The following IMPG2 variants were observed in gnomAD, a reference collection of about 807,000 sequenced individuals.
IMPG2 encodes the protein IPM 200.
In IMPG2, 91 loss-of-function variants were observed where a neutral mutation model predicts 129.2. The observed-to-expected ratio is 0.70, with a 90% confidence interval of 0.59 to 0.84. The LOEUF (loss-of-function observed/expected upper bound fraction) is 0.84. Among genes scored for constraint, IMPG2 ranks in the 40% least tolerant of loss-of-function variants. The pLI, the probability that IMPG2 is intolerant of heterozygous loss-of-function variation, is 0.00. For missense variants in IMPG2, 1,430 were observed against 1,461.7 expected (o/e 0.98, Z 0.35); for synonymous variants, 510 against 517.7 (o/e 0.99, Z 0.20).
At chr3:101,262,094 A>C (rs1706677368) in intron 9 of IMPG2, among the ~76,000 whole-genome samples, 1 of 152,128 alleles carries the variant, frequency 6.6e-6, no homozygotes. Flanking sequence ...ATTTTTAAAA[A>C]ATTAAAAATA....
At chr3:101,271,842 G>A (rs1446274434) in intron 7 of IMPG2, among the ~76,000 whole-genome samples, 1 of 152,174 alleles carries the variant, frequency 6.6e-6, no homozygotes, top group Non-Finnish European at 1.5e-5. Context: ...TAGAGAGACT[G>A]AATGACAATG....
Position 101,257,475 on chromosome 3 carries a change from G to A in IMPG2, c.1153+54C>T, listed in dbSNP as rs916201305. Reference sequence around the variant, plus strand: ...TATTTCAGGAAATTAGTTTACACCAGAGCATACTGGAAAAGAAACTATACA... The same window carrying A: ...TATTTCAGGAAATTAGTTTACACCAAAGCATACTGGAAAAGAAACTATACA... On this transcript the variant is annotated intron_variant, in intron 10 of 18. Transcript: ENST00000193391. 8 of 1,601,248 alleles carry A rather than the reference G, an allele frequency of 5.0e-6. No homozygotes were observed. In the South Asian group the frequency reaches 5.5e-5, roughly 11 times the overall value.
At chr3:101,262,781 A>C (rs1206984242) in intron 9 of IMPG2, among the ~76,000 whole-genome samples, 2 of 151,682 alleles carry the variant, frequency 1.3e-5, no homozygotes, top group Non-Finnish European at 1.5e-5. Context: ...AAAAAAAAAA[A>C]AACAAACTAT....
At chr3:101,232,004 G>A (rs1385970202) in intron 15 of IMPG2, among the ~76,000 whole-genome samples, 3 of 152,076 alleles carry the variant, frequency 2.0e-5, no homozygotes, top group Non-Finnish European at 2.9e-5. Flanking sequence ...TTAAATGTTT[G>A]TCTTTATTTT....
Position 101,272,525 on chromosome 3 carries a change from A to G in IMPG2, c.828+1056T>C, listed in dbSNP as rs1044737003. 5.3e-5 allele frequency among the ~76,000 whole-genome samples: 8 copies of G among 152,304 alleles called. 1 individual carries two copies. The East Asian group carries it at 1.3e-3, about 26-fold the overall frequency. ...TCTAAATCTGCAGTCATTCCATGCAATTGTTTACCTAAACACTAAGCTATA... is the reference window on the plus strand; with the variant it reads ...TCTAAATCTGCAGTCATTCCATGCAGTTGTTTACCTAAACACTAAGCTATA... On this transcript the variant is annotated intron_variant, in intron 7 of 18. Coordinates refer to ENST00000193391, the MANE Select transcript of IMPG2 (RefSeq NM_016247.4).
In IMPG2 at chr3:101,226,880, T is replaced by C; in HGVS notation, c.*89A>G. On this transcript the variant is annotated 3_prime_UTR_variant, in exon 19 of 19. Coordinates refer to ENST00000193391, the MANE Select transcript of IMPG2 (RefSeq NM_016247.4). ...ATAGAAAACTCTTCTTCCAACAGTG[T>C]TTAAAATCCAGGTTAATTATATGAC... 1 of 1,386,104 alleles carries C rather than the reference T, an allele frequency of 7.2e-7. No homozygotes were observed. Among genetic ancestry groups the C allele is most frequent in the Non-Finnish European group, 1.0e-6 (1 of 979,180 alleles). 85.9% of individuals were successfully genotyped at this position (1,386,104 alleles called of 1,614,324 possible). A position where few individuals can be genotyped will look rare whatever the true frequency, so the allele number is the denominator to read the frequency against.
intron 2 of IMPG2, among the ~76,000 whole-genome samples, chr3:101,307,545 G>A (rs1707217907): frequency 6.6e-6 from 1 of 152,136 alleles, no homozygotes; most frequent in Non-Finnish European, 1.5e-5. Context: ...GTGAAGTGGG[G>A]GAAAGCCCCT....
chr3:101,256,149 G>GAAAGAAAT (rs1559646317), intron 10 of IMPG2, among the ~76,000 whole-genome samples: 2 of 34,614 alleles, frequency 5.8e-5, no homozygotes, highest in African/African-American at 2.3e-4. Flanking sequence ...AGAAAGAAAA[G>GAAAGAAAT]AAAGAAAGAA....
chr3:101,269,926 C>CTTTTTTT (rs5851267), intron 7 of IMPG2, among the ~76,000 whole-genome samples: 3 of 106,978 alleles, frequency 2.8e-5, no homozygotes, highest in Non-Finnish European at 3.8e-5. Context: ...TTATTTTATT[C>CTTTTTTT]TTTTTTTTTT....
chr3:101,244,356 C>A lies in IMPG2; in HGVS notation c.1975G>T (p.Asp659Tyr). 1 of 1,614,044 alleles carries A rather than the reference C, an allele frequency of 6.2e-7. No homozygotes were observed. The highest frequency in any genetic ancestry group is 8.5e-7 in the Non-Finnish European group (1 of 1,179,996). ...TATTTTGAGTGCTTACTAATTTGGT[C>A]TGTGGAATCCATTTTGTCAACTAAA... Reference protein sequence around the residue: ...LVLVDKMDSTDQISKHSKYEH... With the variant: ...LVLVDKMDSTYQISKHSKYEH... The change falls in exon 13 of 19, where the codon GAC becomes TAC. Residue 659 changes from aspartate (D) to tyrosine (Y), a missense_variant. Transcript: ENST00000193391.
intron 16 of IMPG2, 35 bp from the exon 17 acceptor site, chr3:101,229,625 T>G: frequency 1.9e-6 from 3 of 1,574,102 alleles, no homozygotes; most frequent in Non-Finnish European, 2.6e-6. Flanking sequence ...AGGCTCTTGT[T>G]TGGATGCTCA....
Position 101,304,173 on chromosome 3 carries a change from A to G in IMPG2, c.474T>C (p.Ser158=). The change falls in exon 3 of 19, where the codon TCT becomes TCC. Residue 158 remains serine, a synonymous_variant. Coordinates refer to ENST00000193391, the MANE Select transcript of IMPG2 (RefSeq NM_016247.4). Reference sequence around the variant, plus strand: ...TCATGATTAAGCTTCTATGTTCCACAGATTCACTAAAATTTGTGCCCATTT... The same window carrying G: ...TCATGATTAAGCTTCTATGTTCCACGGATTCACTAAAATTTGTGCCCATTT... ...IFEMGTNFSE[S]VEHRSLIMKK... 6.2e-7 allele frequency: 1 copy of G among 1,613,900 alleles called. No individual in the cohort carries two copies. Among genetic ancestry groups the G allele is most frequent in the Non-Finnish European group, 8.5e-7 (1 of 1,179,768 alleles).
intron 2 of IMPG2, among the ~76,000 whole-genome samples, chr3:101,318,766 C>T (rs1175026049): frequency 1.3e-5 from 2 of 151,994 alleles, no homozygotes; most frequent in Non-Finnish European, 2.9e-5. Context: ...TTTATTGGTT[C>T]TTGAGCAGTA....
chr3:101,284,243 A>G (rs1706922617), intron 4 of IMPG2, among the ~76,000 whole-genome samples: 1 of 152,202 alleles, frequency 6.6e-6, no homozygotes, highest in African/African-American at 2.4e-5. Flanking sequence ...TTGAGTTTGA[A>G]ATGTCTACTT....
chr3:101,246,332 G>T (rs924379597), intron 11 of IMPG2, among the ~76,000 whole-genome samples: 3 of 152,084 alleles, frequency 2.0e-5, no homozygotes, highest in Non-Finnish European at 2.9e-5. Context: ...GAAAACCAAG[G>T]ACAGATGAGG....
intron 5 of IMPG2, among the ~76,000 whole-genome samples, chr3:101,276,068 C>A (rs2107253326): frequency 6.6e-6 from 1 of 152,216 alleles, no homozygotes; most frequent in Non-Finnish European, 1.5e-5. Context: ...GAAGTAACTC[C>A]TCTACCAGAG....
chr3:101,265,472 G>A (rs987956824), intron 9 of IMPG2, among the ~76,000 whole-genome samples: 1 of 152,080 alleles, frequency 6.6e-6, no homozygotes, highest in South Asian at 2.1e-4. Flanking sequence ...AATGAATGGT[G>A]CTGGGAAAAC....
Position 101,246,061 on chromosome 3 carries a change from G to T in IMPG2, c.1284C>A (p.Ile428=). The T allele has an allele frequency of 6.2e-7, 1 of 1,614,118 alleles. No homozygotes were observed. The change falls in exon 12 of 19, where the codon ATC becomes ATA. Residue 428 remains isoleucine, a synonymous_variant. Coordinates refer to ENST00000193391, the MANE Select transcript of IMPG2 (RefSeq NM_016247.4). ...AATCAAGTGGTGGAATACTGCTGGTGATGGATTCATCTGCTGAGGGCCATG... is the reference window on the plus strand; with the variant it reads ...AATCAAGTGGTGGAATACTGCTGGTTATGGATTCATCTGCTGAGGGCCATG... ...QAAWPSADES[I]TSSIPPLDFS...
chr3:101,257,220 T>C (rs1213670008), intron 10 of IMPG2, among the ~76,000 whole-genome samples: 1 of 152,102 alleles, frequency 6.6e-6, no homozygotes, highest in Non-Finnish European at 1.5e-5. Flanking sequence ...GGAAGTATTA[T>C]AGCCTGTTTC....
Sources: allele counts gnomAD v4.1 joint callset (sites outside exome capture counted in the v4.1 genomes callset), GRCh38; gene constraint gnomAD v4.1.1; transcripts MANE v1.5; gene names NCBI Gene and HGNC (gene_info 2026-07-23, HGNC 2026-07-21).